RAB11FIP3: variants seen among roughly 807,000 people sequenced by gnomAD.
RAB11FIP3 encodes the protein rab11 family-interacting protein 3.
RAB11FIP3 carries 17 observed loss-of-function variants against 77.8 expected under a neutral mutation model. The observed-to-expected ratio is 0.22, with a 90% CI of 0.15 to 0.33. RAB11FIP3 has a LOEUF of 0.33. Ranked by LOEUF, RAB11FIP3 falls within the 10% of genes least tolerant of loss-of-function variation. RAB11FIP3 has a pLI of 1.00. For synonymous variants in RAB11FIP3, 437 were observed against 448.2 expected, an observed-to-expected ratio of 0.98 and a Z score of 0.31; for missense variants, 1,005 against 1,011.2, an observed-to-expected ratio of 0.99 and a Z score of 0.08.
intron 9 of RAB11FIP3, among the ~76,000 whole-genome samples, chr16:513,308 A>C (rs1481676688): frequency 6.6e-6 from 1 of 151,146 alleles, no homozygotes; most frequent in African/African-American, 2.4e-5. Context: ...GCAGCCTTGA[A>C]CTCCCGGGCT....
intron 1 of RAB11FIP3, among the ~76,000 whole-genome samples, chr16:451,093 T>C (rs540565534): frequency 2.6e-5 from 4 of 152,300 alleles, no homozygotes; most frequent in Non-Finnish European, 5.9e-5. Context: ...TCATGTGCAT[T>C]TTAAGAGTCT....
chr16:471,226 A>G lies in RAB11FIP3; in HGVS notation c.809-69A>G. 7.1e-7 allele frequency: 1 copy of G among 1,405,308 alleles called. No homozygotes were observed. The highest frequency in any genetic ancestry group is 1.2e-5 in the South Asian group (1 of 84,738). The allele number at this position is 1,405,308 out of a possible 1,614,324, so 87.1% of individuals were successfully genotyped here. A position where few individuals can be genotyped will look rare whatever the true frequency, so the allele number is the denominator to read the frequency against. ...GGGGCCTCCTTCCCAGGGAGTCCCG[A>G]GGCCGCCAGGGGTCCCGTCACTGGG... On this transcript the variant is annotated intron_variant, in intron 2 of 13. Transcript: ENST00000262305. The surrounding 1 kb of genome is among the most constrained non-coding windows in gnomAD (Gnocchi z 4.4).
At chr16:480,400 C>T (rs1478570434) in intron 3 of RAB11FIP3, among the ~76,000 whole-genome samples, 3 of 152,002 alleles carry the variant, frequency 2.0e-5, no homozygotes, top group Non-Finnish European at 4.4e-5. Flanking sequence ...TATCAGCTCA[C>T]TGCAAAATCT....
At chr16:510,281 G>A (rs767673964) in intron 8 of RAB11FIP3, among the ~76,000 whole-genome samples, 3 of 152,178 alleles carry the variant, frequency 2.0e-5, no homozygotes, top group South Asian at 2.1e-4. Flanking sequence ...GAGCGCACGC[G>A]TTGTGTGTAG....
chr16:429,413 CT>C (rs1275971003), intron 1 of RAB11FIP3, among the ~76,000 whole-genome samples: 2 of 152,050 alleles, frequency 1.3e-5, no homozygotes, highest in Admixed American at 1.3e-4. Flanking sequence ...TACTTTCTAC[CT>C]TGAGATTTCA....
intron 9 of RAB11FIP3, among the ~76,000 whole-genome samples, chr16:515,806 G>C (rs778385335): frequency 2.4e-4 from 36 of 152,218 alleles, no homozygotes; most frequent in Non-Finnish European, 5.1e-4. Context: ...GTACATGAAG[G>C]CTCAGAAGTG....
intron 1 of RAB11FIP3, among the ~76,000 whole-genome samples, chr16:429,680 A>T (rs1299728054): frequency 2.6e-5 from 4 of 151,856 alleles, no homozygotes; most frequent in African/African-American, 9.7e-5. Context: ...TTGTATTTTT[A>T]GTAGAGACGG....
chr16:426,346 G>C lies in RAB11FIP3; in HGVS notation c.340G>C (p.Ala114Pro). The change falls in exon 1 of 14, where the codon GCG becomes CCG. Residue 114 changes from alanine to proline, a missense_variant. This residue lies in a region of RAB11FIP3 where 466 missense variants were observed against 408.3 expected (regional missense o/e 1.14). Coordinates refer to ENST00000262305, the MANE Select transcript of RAB11FIP3 (RefSeq NM_014700.4). This position sits in a 1 kb window ranked among gnomAD's most constrained non-coding sequence, Gnocchi z 5.0. The part of the protein sequence containing the change: ...DAPGPGPRSE[A>P]PLPELDPLFS... ...CCCGGGCCCAGGGCCGCGCTCCGAA[G>C]CGCCGCTTCCAGAACTCGACCCGTT... 1 of 1,510,122 alleles carries C rather than the reference G, an allele frequency of 6.6e-7. No homozygotes were observed. The highest frequency in any genetic ancestry group is 1.4e-5 in the African/African-American group (1 of 69,790). The allele number at this position is 1,510,122 out of a possible 1,614,324, so 93.5% of individuals were successfully genotyped here.
chr16:494,991 G>T (rs111537833), intron 5 of RAB11FIP3, among the ~76,000 whole-genome samples: 25 of 121,930 alleles, frequency 2.1e-4, no homozygotes, highest in African/African-American at 4.3e-4. Context: ...CACATGAGCC[G>T]GGGAGGTCGA....
Position 498,757 on chromosome 16 carries a change from G to A in RAB11FIP3, c.1301+1898G>A, listed in dbSNP as rs1185242125. On this transcript the variant is annotated intron_variant, in intron 6 of 13. Transcript: ENST00000262305. Reference sequence around the variant, plus strand: ...TGGGCTCTAGCAGTCCTCCCACCTCGGTCTCCCAGAATGTTGGAATTACAG... The same window carrying A: ...TGGGCTCTAGCAGTCCTCCCACCTCAGTCTCCCAGAATGTTGGAATTACAG... Among the ~76,000 whole-genome samples, 7 of 151,996 alleles carry A rather than the reference G, an allele frequency of 4.6e-5. No individual in the cohort carries two copies. In the East Asian group the frequency reaches 1.2e-3, roughly 25 times the overall value.
At chr16:497,053 TGGATTTGTGACCAG>T (rs1171440025) in intron 6 of RAB11FIP3, 194 bp downstream of exon 6, 1 of 634,530 alleles carries the variant, frequency 1.6e-6, no homozygotes, top group East Asian at 3.8e-5. Context: ...AATTTGGACC[TGGATTTGTGACCAG>T]GGAGGGTACG....
At chr16:500,375 T>C (rs1444678083) in intron 6 of RAB11FIP3, among the ~76,000 whole-genome samples, 1 of 152,000 alleles carries the variant, frequency 6.6e-6, no homozygotes, top group Admixed American at 6.6e-5. Context: ...AATCCCTCTT[T>C]CTAGGGGATT....
intron 5 of RAB11FIP3, among the ~76,000 whole-genome samples, chr16:494,382 C>T (rs746459034): frequency 2.6e-5 from 4 of 151,306 alleles, no homozygotes; most frequent in East Asian, 2.0e-4. Flanking sequence ...CAGCACTTTG[C>T]GAGGCTGAGG....
At chr16:516,054 T>TG (rs2032399884) in intron 9 of RAB11FIP3, among the ~76,000 whole-genome samples, 1 of 152,228 alleles carries the variant, frequency 6.6e-6, no homozygotes, top group South Asian at 2.1e-4. Context: ...GGGCACCCCG[T>TG]GGCCTCCCCG....
chr16:497,076 C>T (rs933196792), intron 6 of RAB11FIP3: 4 of 567,184 alleles, frequency 7.1e-6, no homozygotes, highest in South Asian at 3.9e-5. Context: ...AGGGAGGGTA[C>T]GTGTCAGAGC....
intron 8 of RAB11FIP3, among the ~76,000 whole-genome samples, chr16:508,248 C>T (rs187744563): frequency 6.6e-6 from 1 of 152,194 alleles, no homozygotes; most frequent in South Asian, 2.1e-4. Context: ...GACTGAGGAA[C>T]CTCTGGTGCC....
chr16:433,527 G>C (rs1260662210), intron 1 of RAB11FIP3, among the ~76,000 whole-genome samples: 1 of 151,830 alleles, frequency 6.6e-6, no homozygotes, highest in South Asian at 2.1e-4. Flanking sequence ...TGCTGCAAAT[G>C]ACATGATTTC....
chr16:448,049 G>A lies in RAB11FIP3; in HGVS notation c.715-13355G>A, dbSNP rs1327297874. On this transcript the variant is annotated intron_variant, in intron 1 of 13. Transcript: ENST00000262305. ...AAAAAGCGTATTGTCCAGGCGCAGT[G>A]GCTCACACCTGTAATCCTAGCATTT... Among the ~76,000 whole-genome samples the A allele has an allele frequency of 6.6e-5, 10 of 152,206 alleles. No individual in the cohort carries two copies. The East Asian group carries it at 1.9e-3, about 29-fold the overall frequency.
In RAB11FIP3 at chr16:461,335, C is replaced by A; in HGVS notation, c.715-69C>A. On this transcript the variant is annotated intron_variant, in intron 1 of 13. Coordinates refer to ENST00000262305, the MANE Select transcript of RAB11FIP3 (RefSeq NM_014700.4). This position sits in a 1 kb window ranked among gnomAD's most constrained non-coding sequence, Gnocchi z 4.5. ...GGCCACACACCAGATCTCTCCCAGT[C>A]CGAGGTCCAGGGTTGGGGACCCCTG... The A allele has an allele frequency of 1.6e-6, 2 of 1,256,076 alleles. No homozygotes were observed. Among genetic ancestry groups the A allele is most frequent in the South Asian group, 1.3e-5 (1 of 77,188 alleles). 77.8% of individuals were successfully genotyped at this position (1,256,076 alleles called of 1,614,324 possible).
Sources: gnomAD v4.1 joint callset for allele counts (sites outside exome capture counted in the v4.1 genomes callset) on GRCh38, gnomAD v4.1.1 for gene constraint, gnomAD v4.1.1 regional missense constraint, Gnocchi (gnomAD v3.1) non-coding constraint, MANE v1.5 for transcripts, NCBI Gene and HGNC (gene_info 2026-07-23, HGNC 2026-07-21) for gene names.